The following SUCLG2 variants were observed in gnomAD, a reference collection of about 807,000 sequenced individuals.
SUCLG2 encodes succinate--CoA ligase [GDP-forming] subunit beta, mitochondrial.
In SUCLG2, 42 loss-of-function variants were observed where a neutral mutation model predicts 47.9. The ratio of observed to expected loss-of-function variants is 0.88; its 90% CI spans 0.69 to 1.14. The LOEUF is 1.14. SUCLG2 is among the 50% of genes most tolerant of loss of function. The probability of loss-of-function intolerance (pLI) is 0.00; values close to 1 mark genes in which losing one functional copy is unlikely to be tolerated. For synonymous variants in SUCLG2, 195 were observed against 197.3 expected, an observed-to-expected ratio of 0.99 and a Z score of 0.10; for missense variants, 571 against 525.9, an observed-to-expected ratio of 1.09 and a Z score of -0.84.
At chr3:67,475,932 T>C (rs527743741) in intron 9 of SUCLG2, among the ~76,000 whole-genome samples, 1 of 152,090 alleles carries the variant, frequency 6.6e-6, no homozygotes, top group South Asian at 2.1e-4. Flanking sequence ...TGAAGTATGA[T>C]ATAGAAAGGC....
chr3:67,432,110 C>T (rs905654484), intron 9 of SUCLG2, among the ~76,000 whole-genome samples: 6 of 152,122 alleles, frequency 3.9e-5, no homozygotes, highest in Non-Finnish European at 7.3e-5. Flanking sequence ...TGTTAGCAGG[C>T]ACTAGATTTA....
intron 2 of SUCLG2, among the ~76,000 whole-genome samples, chr3:67,571,573 G>C (rs926078460): frequency 6.6e-6 from 1 of 152,012 alleles, no homozygotes; most frequent in African/African-American, 2.4e-5. Flanking sequence ...AACTAAAATA[G>C]CATGTATTCC....
chr3:67,510,240 G>A (rs1043503968), intron 6 of SUCLG2, among the ~76,000 whole-genome samples: 3 of 152,154 alleles, frequency 2.0e-5, no homozygotes, highest in Non-Finnish European at 4.4e-5. Context: ...ATTGCAAGTG[G>A]TTCCAGATTT....
intron 2 of SUCLG2, among the ~76,000 whole-genome samples, chr3:67,590,284 A>G (rs1484770488): frequency 6.6e-6 from 1 of 152,366 alleles, no homozygotes; most frequent in East Asian, 1.9e-4. Context: ...CCAGCAAGTG[A>G]GAATGATGAT....
rs1164909239 is a variant in SUCLG2, at chr3:67,385,433, C to A, written c.1184-9574G>T. 3.9e-5 allele frequency among the ~76,000 whole-genome samples: 6 copies of A among 152,342 alleles called. No individual in the cohort carries two copies. The East Asian group carries it at 1.2e-3, about 29-fold the overall frequency. ...TGCAGAGGGACAGTCATTAGTGTAA[C>A]CCCTCCTGTTCTCTTTGCCTATCAC... is the stretch of plus-strand genomic sequence containing the variant. On this transcript the variant is annotated intron_variant, in intron 10 of 10. Transcript: ENST00000307227.
chr3:67,528,299 C>T, intron 3 of SUCLG2, 77 bp from the exon 4 acceptor site: 1 of 1,271,526 alleles, frequency 7.9e-7, no homozygotes, highest in Non-Finnish European at 1.1e-6. Context: ...CACAGAGCCT[C>T]ATGTCTACAC....
intron 10 of SUCLG2, among the ~76,000 whole-genome samples, chr3:67,368,476 T>C (rs964130907): frequency 3.3e-5 from 5 of 152,168 alleles, no homozygotes; most frequent in African/African-American, 1.2e-4. Context: ...TGTTGGATTG[T>C]CCTTGTCCTA....
intron 1 of SUCLG2, among the ~76,000 whole-genome samples, chr3:67,619,312 A>C (rs991163045): frequency 1.3e-5 from 2 of 152,236 alleles, no homozygotes; most frequent in Non-Finnish European, 2.9e-5. Flanking sequence ...CATTTTACAG[A>C]TAAGCAAAAG....
In SUCLG2 at chr3:67,499,969, G is replaced by T. The variant is rs188983221; in HGVS notation, c.758-1674C>A. Among the ~76,000 whole-genome samples the T allele has an allele frequency of 2.4e-3, 365 of 152,184 alleles. 5 individuals are homozygous for T. The highest frequency in any genetic ancestry group is 0.016 in the Admixed American group (243 of 15,264). ...GATGGTCTCGATCTCCTGACCTTGT[G>T]ATCTGCCCACCTCAGCCTCCCAAAG... On this transcript the variant is annotated intron_variant, in intron 7 of 10. Transcript: ENST00000307227.
intron 2 of SUCLG2, 27 bp from the exon 3 acceptor site, chr3:67,529,213 A>G (rs936085175): frequency 6.4e-6 from 10 of 1,568,516 alleles, no homozygotes; most frequent in Non-Finnish European, 7.8e-6. Context: ...CAGAGTTGGT[A>G]GCTGATTTTA....
At chr3:67,496,066 T>A in intron 8 of SUCLG2, 126 bp from the exon 9 acceptor site, 2 of 1,160,836 alleles carry the variant, frequency 1.7e-6, no homozygotes, top group South Asian at 3.0e-5. Flanking sequence ...TATATCCTGT[T>A]TGGAATTCCA....
At chr3:67,653,690 T>C (rs978079193) in intron 1 of SUCLG2, among the ~76,000 whole-genome samples, 1 of 152,214 alleles carries the variant, frequency 6.6e-6, no homozygotes, top group African/African-American at 2.4e-5. Flanking sequence ...CTACGGAGAC[T>C]AACCAGTTCA....
downstream of SUCLG2, among the ~76,000 whole-genome samples, chr3:67,374,246 TATTTCTCCA>T (rs1701991765): frequency 6.6e-6 from 1 of 152,240 alleles, no homozygotes; most frequent in Non-Finnish European, 1.5e-5. Flanking sequence ...TCCAATAGTT[TATTTCTCCA>T]TGGCAAACAT....
intron 9 of SUCLG2, among the ~76,000 whole-genome samples, chr3:67,462,863 G>T (rs1704372861): frequency 6.6e-6 from 1 of 152,220 alleles, no homozygotes; most frequent in Non-Finnish European, 1.5e-5. Context: ...TCCAGGTGGA[G>T]TGTCAGAACT....
chr3:67,513,033 T>C (rs1329496138), intron 6 of SUCLG2, among the ~76,000 whole-genome samples: 2 of 150,918 alleles, frequency 1.3e-5, no homozygotes, highest in African/African-American at 2.5e-5. Flanking sequence ...GATCTCTATA[T>C]ACATACATAC....
chr3:67,374,199 T>C (rs552802939), downstream of SUCLG2, among the ~76,000 whole-genome samples: 86 of 152,330 alleles, frequency 5.6e-4, no homozygotes, highest in Middle Eastern at 3.4e-3. Flanking sequence ...TCTTCATTCA[T>C]TGCATGGGCA....
chr3:67,418,499 C>G (rs1349046059), intron 9 of SUCLG2, among the ~76,000 whole-genome samples: 1 of 152,186 alleles, frequency 6.6e-6, no homozygotes, highest in Admixed American at 6.6e-5. Context: ...CTAAGCTGTT[C>G]TGGTGAACAG....
chr3:67,612,409 C>T (rs755377910), intron 1 of SUCLG2, among the ~76,000 whole-genome samples: 3 of 129,292 alleles, frequency 2.3e-5, no homozygotes, highest in Admixed American at 1.4e-4. Flanking sequence ...TTTATGTTTA[C>T]TTCTGCATTC....
chr3:67,648,711 G>A (rs1701235309), intron 1 of SUCLG2, among the ~76,000 whole-genome samples: 1 of 152,166 alleles, frequency 6.6e-6, no homozygotes, highest in Non-Finnish European at 1.5e-5. Context: ...ACAGTTCTAT[G>A]ATTATGAGGA....
Sources: gnomAD v4.1 joint callset for allele counts (sites outside exome capture counted in the v4.1 genomes callset) on GRCh38, gnomAD v4.1.1 for gene constraint, MANE v1.5 for transcripts, NCBI Gene and HGNC (gene_info 2026-07-23, HGNC 2026-07-21) for gene names.